GMEB1: variants seen among roughly 807,000 people sequenced by gnomAD.
GMEB1 encodes the protein glucocorticoid modulatory element binding protein 1.
In GMEB1, 6 loss-of-function variants were observed where a neutral mutation model predicts 52.4. The ratio of observed to expected loss-of-function variants is 0.11; its 90% CI spans 0.06 to 0.23. The LOEUF (loss-of-function observed/expected upper bound fraction) is 0.23, where lower values mean the gene tolerates loss of function less well. Ranked by LOEUF, GMEB1 falls within the 10% of genes least tolerant of loss-of-function variation. The pLI, the probability that GMEB1 is intolerant of heterozygous loss-of-function variation, is 1.00. For missense variants in GMEB1, 486 were observed against 685.6 expected (o/e 0.71, Z 3.25); for synonymous variants, 255 against 244.9 (o/e 1.04, Z -0.38).
chr1:28,689,510 T>A (rs1669852986), intron 2 of GMEB1, among the ~76,000 whole-genome samples: 1 of 152,102 alleles, frequency 6.6e-6, no homozygotes, highest in African/African-American at 2.4e-5. Flanking sequence ...GCTCCTGTAG[T>A]CCCAGCTACT....
At chr1:28,684,775 G>A (rs1669561610) in intron 2 of GMEB1, among the ~76,000 whole-genome samples, 1 of 151,978 alleles carries the variant, frequency 6.6e-6, no homozygotes, top group Non-Finnish European at 1.5e-5. Context: ...CCTAGAGGAC[G>A]AGTCAATAGG....
At chr1:28,676,737 A>AT (rs34590093) in intron 1 of GMEB1, among the ~76,000 whole-genome samples, 1 of 151,590 alleles carries the variant, frequency 6.6e-6, no homozygotes. Flanking sequence ...AAAAAAATAA[A>AT]TAAATAAATA....
At chr1:28,699,233 T>A (rs1233916295) in intron 6 of GMEB1, among the ~76,000 whole-genome samples, 2 of 152,160 alleles carry the variant, frequency 1.3e-5, no homozygotes, top group East Asian at 3.8e-4. Flanking sequence ...AGTTTGGTAC[T>A]AGGGCTCCTT....
chr1:28,668,462 C>T (rs894909521), upstream of GMEB1, among the ~76,000 whole-genome samples: 1 of 152,046 alleles, frequency 6.6e-6, no homozygotes, highest in African/African-American at 2.4e-5. Flanking sequence ...GGAGTAGAGT[C>T]CTCCAGAGGA....
intron 1 of GMEB1, among the ~76,000 whole-genome samples, chr1:28,669,129 A>C (rs1668756476): frequency 6.7e-6 from 1 of 148,594 alleles, no homozygotes; most frequent in African/African-American, 2.5e-5. Flanking sequence ...GCCCCAGACC[A>C]GGGCGGCGGG....
chr1:28,709,133 C>CA (rs33947165), intron 8 of GMEB1, among the ~76,000 whole-genome samples: 45,390 of 120,214 alleles, frequency 0.38, 9,190 homozygotes, highest in East Asian at 0.69. Flanking sequence ...GACTCCATCT[C>CA]AAAAAAAAAA....
chr1:28,695,043 C>T (rs1670136871), intron 5 of GMEB1, among the ~76,000 whole-genome samples: 1 of 149,480 alleles, frequency 6.7e-6, no homozygotes, highest in Admixed American at 6.7e-5. Flanking sequence ...TGGCTCACTG[C>T]AATCTCCACC....
intron 1 of GMEB1, among the ~76,000 whole-genome samples, chr1:28,681,853 C>G (rs1297174256): frequency 1.6e-4 from 24 of 152,050 alleles, no homozygotes; most frequent in Admixed American, 1.6e-3. Context: ...CAGGCATGTA[C>G]CACCGCGCCA....
At chr1:28,668,473 G>T (rs1311820871), upstream of GMEB1, among the ~76,000 whole-genome samples, 5 of 152,246 alleles carry the variant, frequency 3.3e-5, no homozygotes, top group South Asian at 2.1e-4. Context: ...CTCCAGAGGA[G>T]TCGAGAAAGC....
chr1:28,711,275 A>G (rs1471456416), intron 9 of GMEB1, among the ~76,000 whole-genome samples: 1 of 148,132 alleles, frequency 6.8e-6, no homozygotes, highest in Non-Finnish European at 1.5e-5. Flanking sequence ...GACAAGAACG[A>G]GACTCTGTCT....
At chr1:28,693,282 G>C (rs892815595) in intron 5 of GMEB1, among the ~76,000 whole-genome samples, 1 of 151,006 alleles carries the variant, frequency 6.6e-6, no homozygotes, top group African/African-American at 2.4e-5. Flanking sequence ...GCAGTGGCAT[G>C]ATCTTGGCTC....
In GMEB1 at chr1:28,699,544, C is replaced by T. The variant is rs920869602; in HGVS notation, c.598+2460C>T. 1.2e-4 allele frequency among the ~76,000 whole-genome samples: 19 copies of T among 152,096 alleles called. No individual in the cohort carries two copies. The East Asian group carries it at 1.4e-3, about 11-fold the overall frequency. On this transcript the variant is annotated intron_variant, in intron 6 of 9. Transcript: ENST00000373816. ...TCCCGGGTTCAAGCAATTCTCCTGCCTCAGCCTCCCGTGTAGTGAGATTAC... is the reference window on the plus strand; with the variant it reads ...TCCCGGGTTCAAGCAATTCTCCTGCTTCAGCCTCCCGTGTAGTGAGATTAC...
chr1:28,705,100 A>AC lies in GMEB1; in HGVS notation c.868+771_868+772insC, dbSNP rs1187682482. On this transcript the variant is annotated intron_variant, in intron 8 of 9. Transcript: ENST00000373816. ...CTTGTCTCAAAAAAAAAAAAAAAAA[A>AC]AACACAGGCCAGGTGCGGTAGCTCA... 2.9e-3 allele frequency among the ~76,000 whole-genome samples: 446 copies of AC among 151,212 alleles called. 4 individuals are homozygous for AC. The highest frequency in any genetic ancestry group is 0.01 in the African/African-American group (431 of 41,228).
chr1:28,712,466 G>A (rs1369110864), intron 9 of GMEB1, among the ~76,000 whole-genome samples: 1 of 152,146 alleles, frequency 6.6e-6, no homozygotes, highest in Non-Finnish European at 1.5e-5. Flanking sequence ...TCTTTCTGGT[G>A]ACCAGCCCCC....
intron 1 of GMEB1, among the ~76,000 whole-genome samples, chr1:28,671,629 A>G (rs958904315): frequency 6.6e-6 from 1 of 151,808 alleles, no homozygotes; most frequent in Non-Finnish European, 1.5e-5. Flanking sequence ...CTGTGGTCCC[A>G]GCTACTCTGG....
chr1:28,668,872 G>A (rs1395686736), intron 1 of GMEB1, 33 bp downstream of exon 1: 1 of 144,748 alleles, frequency 6.9e-6, no homozygotes, highest in African/African-American at 2.5e-5. Flanking sequence ...GCGCGGGCGC[G>A]GGGTGGGGTG....
intron 6 of GMEB1, among the ~76,000 whole-genome samples, chr1:28,698,253 C>CA (rs1383006993): frequency 6.6e-6 from 1 of 152,034 alleles, no homozygotes; most frequent in Admixed American, 6.6e-5. Context: ...CCTGTAGTCC[C>CA]AGCTACTTGG....
At chr1:28,675,673 CTG>C (rs1321599023) in intron 1 of GMEB1, among the ~76,000 whole-genome samples, 2 of 123,908 alleles carry the variant, frequency 1.6e-5, no homozygotes, top group African/African-American at 2.8e-5. Context: ...GAGTGAGACT[CTG>C]TCTCAAAAAA....
At chr1:28,676,388 A>G (rs1669150908) in intron 1 of GMEB1, among the ~76,000 whole-genome samples, 1 of 152,198 alleles carries the variant, frequency 6.6e-6, no homozygotes, top group Admixed American at 6.6e-5. Context: ...CCCACAGATT[A>G]GTAGTTAACG....
Sources: allele counts gnomAD v4.1 joint callset (sites outside exome capture counted in the v4.1 genomes callset), GRCh38; gene constraint gnomAD v4.1.1; transcripts MANE v1.5; gene names NCBI Gene and HGNC (gene_info 2026-07-23, HGNC 2026-07-21).